POLA1: variants seen among roughly 807,000 people sequenced by gnomAD.
The protein encoded by POLA1 is DNA polymerase alpha catalytic subunit.
POLA1 carries 15 observed loss-of-function variants against 124.0 expected under a neutral mutation model. The observed-to-expected ratio is 0.12, with a 90% CI of 0.08 to 0.19. The LOEUF is 0.19. Ranked by LOEUF, POLA1 falls within the 10% of genes least tolerant of loss-of-function variation. The probability of loss-of-function intolerance (pLI) is 1.00; values close to 1 mark genes in which losing one functional copy is unlikely to be tolerated. For synonymous variants in POLA1, 408 were observed against 389.4 expected, an observed-to-expected ratio of 1.05 and a Z score of -0.56; for missense variants, 886 against 1,103.4, an observed-to-expected ratio of 0.80 and a Z score of 2.79.
intron 24 of POLA1, 84 bp from the exon 25 acceptor site, chrX:24,748,226 TG>T: frequency 1.6e-6 from 1 of 643,098 alleles, no homozygotes; most frequent in Non-Finnish European, 2.4e-6. Flanking sequence ...GATGTGATCA[TG>T]GGGGAAAGCT....
chrX:24,770,321 T>C (rs1303114318), intron 26 of POLA1, among the ~76,000 whole-genome samples: 1 of 111,115 alleles, frequency 9.0e-6, no homozygotes, highest in East Asian at 2.8e-4. Flanking sequence ...ACAAATTCCA[T>C]GCCATATGAC....
chrX:24,778,663 T>C (rs1434555510), intron 26 of POLA1, among the ~76,000 whole-genome samples: 1 of 112,290 alleles, frequency 8.9e-6, no homozygotes, highest in Non-Finnish European at 1.9e-5. Context: ...TTCCCTATGC[T>C]CTGGGCACTA....
intron 36 of POLA1, among the ~76,000 whole-genome samples, chrX:24,942,241 G>C (rs753431553): frequency 8.9e-6 from 1 of 112,304 alleles, no homozygotes; most frequent in Non-Finnish European, 1.9e-5. Context: ...TCTGAGATGA[G>C]AAACAACCCC....
At chrX:24,911,336 C>A (rs2047446647) in intron 35 of POLA1, among the ~76,000 whole-genome samples, 1 of 111,270 alleles carries the variant, frequency 9.0e-6, no homozygotes, top group African/African-American at 3.3e-5. Context: ...TTGGTATATT[C>A]ACCCAGTTGA....
intron 26 of POLA1, among the ~76,000 whole-genome samples, chrX:24,753,538 A>G (rs1932437323): frequency 9.1e-6 from 1 of 109,659 alleles, no homozygotes; most frequent in African/African-American, 3.3e-5. Flanking sequence ...TATTTTTTGT[A>G]GAGATGGAGT....
intron 36 of POLA1, among the ~76,000 whole-genome samples, chrX:24,977,272 C>G (rs2048375032): frequency 1.8e-5 from 2 of 112,131 alleles, no homozygotes; most frequent in African/African-American, 6.5e-5. Context: ...CTTAAAATGT[C>G]CTTAATTCAC....
At chrX:24,920,147 A>AC (rs1041003091) in intron 35 of POLA1, among the ~76,000 whole-genome samples, 2 of 108,962 alleles carry the variant, frequency 1.8e-5, no homozygotes, top group Non-Finnish European at 3.8e-5. Flanking sequence ...GAGCCTGGCC[A>AC]CCCCCTCACC....
rs1194489567 is a variant in POLA1, at chrX:24,970,611, GA to G, written c.4262-25183del. On this transcript the variant is annotated intron_variant, in intron 36 of 36. Transcript: ENST00000379068. ...CAAGGAATTTAAACACATTTACAAG[GA>G]AAAAAAAAAATTAAAAAGTGGGCAA... 6.6e-3 allele frequency among the ~76,000 whole-genome samples: 683 copies of G among 103,221 alleles called. 3 individuals are homozygous for G. The highest frequency in any genetic ancestry group is 0.021 in the African/African-American group (610 of 28,415). 89.6% of individuals were successfully genotyped at this position (103,221 alleles called of 115,157 possible). A position where few individuals can be genotyped will look rare whatever the true frequency, so the allele number is the denominator to read the frequency against.
chrX:24,993,968 C>T (rs1290962996), intron 36 of POLA1, among the ~76,000 whole-genome samples: 1 of 111,949 alleles, frequency 8.9e-6, no homozygotes, highest in East Asian at 2.8e-4. Flanking sequence ...AAGTCAATAT[C>T]CCATCAGCAG....
intron 10 of POLA1, among the ~76,000 whole-genome samples, chrX:24,718,790 G>A (rs1013169089): frequency 8.9e-6 from 1 of 111,967 alleles, no homozygotes; most frequent in African/African-American, 3.3e-5. Context: ...ATCCAGGGCA[G>A]GGCTGCTAGT....
chrX:24,812,730 C>A lies in POLA1; in HGVS notation c.3163C>A (p.Leu1055Met). ...TGATGGGGTTTTCAAGTCTCTGCTA[C>A]TGCTGAAAAAAAAGAAGTACGCTGC... ...DIDGVFKSLL[L>M]LKKKKYAALV... The change falls in exon 29 of 37, where the codon CTG becomes ATG. Residue 1055 changes from leucine (L) to methionine (M), a missense_variant. Physicochemically the swap from Leu to Met is conservative, Grantham distance 15. This residue lies in a region of POLA1 where 313 missense variants were observed against 359.7 expected (regional missense o/e 0.87). Coordinates refer to ENST00000379068, the MANE Select transcript of POLA1 (RefSeq NM_001330360.2). 8.3e-7 allele frequency: 1 copy of A among 1,201,413 alleles called. No homozygotes were observed. Among genetic ancestry groups the A allele is most frequent in the South Asian group, 1.8e-5 (1 of 56,707 alleles).
intron 26 of POLA1, among the ~76,000 whole-genome samples, chrX:24,756,100 G>A (rs1569297852): frequency 9.0e-6 from 1 of 111,728 alleles, no homozygotes; most frequent in African/African-American, 3.3e-5. Context: ...CCTAAAATAT[G>A]TCCTATCTGG....
chrX:24,989,540 C>T (rs2048512919), intron 36 of POLA1, among the ~76,000 whole-genome samples: 1 of 111,188 alleles, frequency 9.0e-6, no homozygotes, highest in Non-Finnish European at 1.9e-5. Context: ...CCACCTCAGC[C>T]TCCCATGTAG....
chrX:24,808,164 G>A (rs1236065884), intron 26 of POLA1, among the ~76,000 whole-genome samples: 2 of 111,654 alleles, frequency 1.8e-5, no homozygotes, highest in Non-Finnish European at 3.8e-5. Flanking sequence ...TCATTGCTAT[G>A]GAGTCAGGCG....
chrX:24,786,083 C>T (rs1306250698), intron 26 of POLA1, among the ~76,000 whole-genome samples: 2 of 112,412 alleles, frequency 1.8e-5, no homozygotes, highest in African/African-American at 6.5e-5. Flanking sequence ...TGTGTGTATA[C>T]ATCCCACATT....
At chrX:24,976,326 G>T (rs1383391184) in intron 36 of POLA1, among the ~76,000 whole-genome samples, 1 of 112,020 alleles carries the variant, frequency 8.9e-6, no homozygotes, top group Non-Finnish European at 1.9e-5. Flanking sequence ...TGCCACTGTT[G>T]TCGGCCTGTG....
chrX:24,965,577 A>G (rs1022548248), intron 36 of POLA1, among the ~76,000 whole-genome samples: 1 of 112,329 alleles, frequency 8.9e-6, no homozygotes, highest in Non-Finnish European at 1.9e-5. Context: ...TAAAACCAGT[A>G]AAACTGCCTG....
At chrX:24,696,223 C>A (rs745901960) in intron 1 of POLA1, among the ~76,000 whole-genome samples, 1 of 112,413 alleles carries the variant, frequency 8.9e-6, no homozygotes, top group African/African-American at 3.2e-5. Flanking sequence ...GCTGCAGGAA[C>A]CAACTCTACC....
intron 34 of POLA1, among the ~76,000 whole-genome samples, chrX:24,878,201 A>G (rs2046960037): frequency 9.0e-6 from 1 of 111,383 alleles, no homozygotes; most frequent in African/African-American, 3.3e-5. Flanking sequence ...TTGCCTGGTG[A>G]TAGTTTGAAC....
Sources: gnomAD v4.1 joint callset for allele counts (sites outside exome capture counted in the v4.1 genomes callset) on GRCh38, gnomAD v4.1.1 for gene constraint, gnomAD v4.1.1 regional missense constraint, MANE v1.5 for transcripts, NCBI Gene and HGNC (gene_info 2026-07-23, HGNC 2026-07-21) for gene names.